ZNF10: variants seen among roughly 807,000 people sequenced by gnomAD.
ZNF10 encodes the protein zinc finger protein 10, also known as zinc finger protein 10 (KOX 1).
In ZNF10, 8 loss-of-function variants were observed where a neutral mutation model predicts 12.2. The observed-to-expected ratio is 0.66, with a 90% CI of 0.39 to 1.18. The LOEUF (loss-of-function observed/expected upper bound fraction) is 1.18, where lower values mean the gene tolerates loss of function less well. Among genes scored for constraint, ZNF10 ranks in the 50% most tolerant of loss-of-function variants. ZNF10 has a pLI of 0.01. For synonymous variants in ZNF10, 229 were observed against 228.2 expected (o/e 1.00, Z -0.03); for missense variants, 603 against 678.9 (o/e 0.89, Z 1.24).
At chr12:133,151,249 C>A in intron 3 of ZNF10, 95 bp downstream of exon 3, 1 of 1,228,736 alleles carries the variant, frequency 8.1e-7, no homozygotes, top group Non-Finnish European at 1.1e-6. Context: ...ATAGGCTTGG[C>A]GTTCAGAGAC....
Position 133,157,436 on chromosome 12 carries a change from T to A in ZNF10, c.*468T>A, listed in dbSNP as rs375050266. On this transcript the variant is annotated 3_prime_UTR_variant, in exon 5 of 5. Transcript: ENST00000248211. ...CTCTTCTGGGACATTTAGTAGTGTT[T>A]GGTATGTTTTATGTGTCTGGTAGAA... is the stretch of plus-strand genomic sequence containing the variant. 1 of 152,566 alleles carries A rather than the reference T, an allele frequency of 6.6e-6. No individual in the cohort carries two copies. Among genetic ancestry groups the A allele is most frequent in the Non-Finnish European group, 1.5e-5 (1 of 68,282 alleles). The allele number at this position is 152,566 out of a possible 1,614,324, so 9.5% of individuals were successfully genotyped here. A position where few individuals can be genotyped will look rare whatever the true frequency, so the allele number is the denominator to read the frequency against.
chr12:133,155,503 A>G lies in ZNF10; in HGVS notation c.257A>G (p.Asp86Gly). The G allele has an allele frequency of 1.3e-6, 2 of 1,580,012 alleles. No individual in the cohort carries two copies. The highest frequency in any genetic ancestry group is 1.7e-6 in the Non-Finnish European group (2 of 1,167,270). ...CACAAACATTTTTCATTTCTTTCAGATTCAGAGACTGCATTTGAAATCAAA... is the reference window on the plus strand; with the variant it reads ...CACAAACATTTTTCATTTCTTTCAGGTTCAGAGACTGCATTTGAAATCAAA... ...EREIHQETHP[D>G]SETAFEIKSS... is the part of the protein sequence containing the mutation. Residue 86 changes from aspartate (D) to glycine (G), a missense_variant and splice_region_variant, in exon 5 of 5, where the codon GAT becomes GGT. Asp to Gly is a moderately conservative substitution (Grantham distance 94, BLOSUM62 -1). Transcript: ENST00000248211.
chr12:133,154,161 A>T (rs1306696230), intron 4 of ZNF10, among the ~76,000 whole-genome samples: 1 of 152,254 alleles, frequency 6.6e-6, no homozygotes, highest in East Asian at 1.9e-4. Context: ...GTAAGAGTGG[A>T]ATGTCACCCC....
At chr12:133,145,016 G>A (rs1459471130) in intron 2 of ZNF10, 2 of 345,558 alleles carry the variant, frequency 5.8e-6, no homozygotes, top group African/African-American at 4.4e-5. Flanking sequence ...CCAAGTAGCT[G>A]GGACTACAGG....
At chr12:133,143,706 A>G (rs1361992756) in intron 1 of ZNF10, 1 of 152,256 alleles carries the variant, frequency 6.6e-6, no homozygotes, top group East Asian at 1.9e-4. Context: ...CTTGTAGCAT[A>G]TACCACAAAC....
chr12:133,154,710 G>A (rs986348515), intron 4 of ZNF10, among the ~76,000 whole-genome samples: 10 of 152,142 alleles, frequency 6.6e-5, no homozygotes, highest in African/African-American at 2.4e-4. Context: ...ACTCATCTGG[G>A]TGTTATTCTA....
At chr12:133,135,548 G>T (rs1026929797) in intron 1 of ZNF10, among the ~76,000 whole-genome samples, 1 of 152,150 alleles carries the variant, frequency 6.6e-6, no homozygotes, top group Non-Finnish European at 1.5e-5. Flanking sequence ...CATCACTCCT[G>T]TGTGTCTCAG....
At chr12:133,153,438 TC>T (rs1956020006) in intron 4 of ZNF10, among the ~76,000 whole-genome samples, 1 of 152,198 alleles carries the variant, frequency 6.6e-6, no homozygotes, top group Non-Finnish European at 1.5e-5. Flanking sequence ...AGAATTGTCC[TC>T]CATAAGTGCT....
rs573373197 is a variant in ZNF10, at chr12:133,154,803, G to A, written c.257-700G>A. Among the ~76,000 whole-genome samples the A allele has an allele frequency of 7.9e-5, 12 of 152,274 alleles. No homozygotes were observed. The South Asian group carries it at 2.3e-3, about 29-fold the overall frequency. On this transcript the variant is annotated intron_variant, in intron 4 of 4. Transcript: ENST00000248211. ...TTAAGAATACTAAATTGGGCCGGAC[G>A]CACTGGCTCACGCCTATAATCCCAG...
At chr12:133,142,845 T>C (rs545712496) in intron 1 of ZNF10, among the ~76,000 whole-genome samples, 1 of 152,316 alleles carries the variant, frequency 6.6e-6, no homozygotes, top group Admixed American at 6.5e-5. Context: ...CAGTCCTAGG[T>C]GTATATCCAA....
At position 133,151,837 on chromosome 12, in the gene ZNF10, C is replaced by T; in HGVS notation, c.189C>T (p.Ile63=). The T allele has an allele frequency of 6.2e-7, 1 of 1,613,420 alleles. No homozygotes were observed. ...LGYQLTKPDV[I]LRLEKGEEPW... is the part of the protein sequence containing the mutation. Reference sequence around the variant, plus strand: ...ATCAGCTTACTAAGCCAGATGTGATCCTCCGGTTGGAGAAGGGAGAAGAGC... The same window carrying T: ...ATCAGCTTACTAAGCCAGATGTGATTCTCCGGTTGGAGAAGGGAGAAGAGC... Residue 63 remains isoleucine (I), a synonymous_variant, in exon 4 of 5, where the codon ATC becomes ATT. Coordinates refer to ENST00000248211, the MANE Select transcript of ZNF10 (RefSeq NM_015394.5).
chr12:133,133,623 A>G (rs946183602), intron 1 of ZNF10, among the ~76,000 whole-genome samples: 2 of 152,246 alleles, frequency 1.3e-5, no homozygotes, highest in African/African-American at 4.8e-5. Flanking sequence ...GGAAGGCGTC[A>G]CAGCATAGAT....
At chr12:133,140,202 C>CAAAAAA (rs67577219) in intron 1 of ZNF10, among the ~76,000 whole-genome samples, 20 of 35,200 alleles carry the variant, frequency 5.7e-4, no homozygotes, top group South Asian at 1.8e-3. Context: ...GACCCTGTCT[C>CAAAAAA]AAAAAAAAAA....
chr12:133,153,568 G>C (rs887201813), intron 4 of ZNF10, among the ~76,000 whole-genome samples: 15 of 152,100 alleles, frequency 9.9e-5, no homozygotes, highest in South Asian at 4.1e-4. Context: ...GGAAAGGGTG[G>C]TGTATTTCCT....
At chr12:133,132,269 ATT>A (rs34602690) in intron 1 of ZNF10, among the ~76,000 whole-genome samples, 4 of 141,064 alleles carry the variant, frequency 2.8e-5, no homozygotes, top group Middle Eastern at 3.4e-3. Context: ...AAATCTGAGA[ATT>A]TTTTTTTTTT....
At position 133,144,871 on chromosome 12, in the gene ZNF10, A is replaced by C. The variant is rs186321594; in HGVS notation, c.33+346A>C. On this transcript the variant is annotated intron_variant, in intron 2 of 4. Coordinates refer to ENST00000248211, the MANE Select transcript of ZNF10 (RefSeq NM_015394.5). ...CCAAAAAATTCAAAAACAGGTATTTACAAACAGTTATTCTTTTTTTGTTGT... is the reference window on the plus strand; with the variant it reads ...CCAAAAAATTCAAAAACAGGTATTTCCAAACAGTTATTCTTTTTTTGTTGT... 85 of 462,904 alleles carry C rather than the reference A, an allele frequency of 1.8e-4. 1 individual carries two copies. The East Asian group carries it at 4.8e-3, about 26-fold the overall frequency. 28.7% of individuals were successfully genotyped at this position (462,904 alleles called of 1,614,324 possible).
chr12:133,135,598 T>G (rs780702084), intron 1 of ZNF10, among the ~76,000 whole-genome samples: 14 of 152,184 alleles, frequency 9.2e-5, no homozygotes, highest in African/African-American at 2.9e-4. Flanking sequence ...CTCTGCAAAC[T>G]TCGGTATCCC....
chr12:133,140,374 G>A (rs1231808148), intron 1 of ZNF10, among the ~76,000 whole-genome samples: 2 of 99,416 alleles, frequency 2.0e-5, no homozygotes, highest in African/African-American at 4.4e-5. Context: ...ATGAGGCCTC[G>A]ACTTTGGAAA....
intron 1 of ZNF10, among the ~76,000 whole-genome samples, chr12:133,136,196 T>A (rs529285844): frequency 6.6e-6 from 1 of 152,138 alleles, no homozygotes; most frequent in Non-Finnish European, 1.5e-5. Context: ...TCCCCCCTTC[T>A]CTCTCCTCTA....
Sources: gnomAD v4.1 joint callset for allele counts (sites outside exome capture counted in the v4.1 genomes callset) on GRCh38, gnomAD v4.1.1 for gene constraint, MANE v1.5 for transcripts, NCBI Gene and HGNC (gene_info 2026-07-23, HGNC 2026-07-21) for gene names.